GPR39: variants seen among roughly 807,000 people sequenced by gnomAD.
The protein encoded by GPR39 is zinc sensing receptor.
Under a neutral mutation model 18.4 loss-of-function variants are expected in GPR39, and 23 were observed. That is an observed-to-expected ratio of 1.25 (90% CI 0.90 to 1.77). The LOEUF (loss-of-function observed/expected upper bound fraction) is 1.77. GPR39 is among the 40% of genes most tolerant of loss of function. The probability of loss-of-function intolerance (pLI) is 0.00; values close to 1 mark genes in which losing one functional copy is unlikely to be tolerated. For missense variants in GPR39, 647 were observed against 602.4 expected, an observed-to-expected ratio of 1.07 and a Z score of -0.78; for synonymous variants, 280 against 257.9, an observed-to-expected ratio of 1.09 and a Z score of -0.82.
intron 1 of GPR39, among the ~76,000 whole-genome samples, chr2:132,565,224 TATTTAGCCAAGTC>T (rs1303617628): frequency 6.6e-6 from 1 of 151,954 alleles, no homozygotes; most frequent in Non-Finnish European, 1.5e-5. Flanking sequence ...GTGATTCCAG[TATTTAGCCAAGTC>T]ATTTGTCAAT....
chr2:132,584,713 C>T (rs988923345), intron 1 of GPR39, among the ~76,000 whole-genome samples: 7 of 152,092 alleles, frequency 4.6e-5, no homozygotes, highest in Admixed American at 2.0e-4. Flanking sequence ...AAAAAAACAC[C>T]GTTTCGAAAA....
At chr2:132,633,212 C>T (rs1039163465) in intron 1 of GPR39, among the ~76,000 whole-genome samples, 2 of 152,170 alleles carry the variant, frequency 1.3e-5, no homozygotes, top group Non-Finnish European at 2.9e-5. Flanking sequence ...GGGAAAGGCT[C>T]AGAGCTCTAG....
chr2:132,513,529 T>G (rs147326161), intron 1 of GPR39, among the ~76,000 whole-genome samples: 108 of 151,874 alleles, frequency 7.1e-4, no homozygotes, highest in African/African-American at 2.3e-3. Context: ...AGGGAAGGAA[T>G]TAATGGCGGC....
chr2:132,514,606 G>C (rs1679298449), intron 1 of GPR39, among the ~76,000 whole-genome samples: 1 of 152,144 alleles, frequency 6.6e-6, no homozygotes, highest in Non-Finnish European at 1.5e-5. Context: ...GGCTTTGCAG[G>C]CTCCTTGCAG....
At chr2:132,539,865 C>T (rs534413673) in intron 1 of GPR39, among the ~76,000 whole-genome samples, 18 of 152,248 alleles carry the variant, frequency 1.2e-4, no homozygotes, top group East Asian at 1.9e-4. Context: ...CTGTGACTAC[C>T]TTTAGAAAAT....
intron 1 of GPR39, among the ~76,000 whole-genome samples, chr2:132,445,934 G>A (rs1416544244): frequency 1.3e-5 from 2 of 152,116 alleles, no homozygotes; most frequent in Non-Finnish European, 2.9e-5. Flanking sequence ...ACTATCATGG[G>A]CATTTCGTCA....
intron 1 of GPR39, among the ~76,000 whole-genome samples, chr2:132,515,760 C>T (rs1469804785): frequency 2.6e-5 from 4 of 152,136 alleles, no homozygotes; most frequent in Admixed American, 2.6e-4. Flanking sequence ...AGGTATCCTG[C>T]TATATACCTA....
At position 132,504,460 on chromosome 2, in the gene GPR39, C is replaced by T. The variant is rs536400902; in HGVS notation, c.856+86562C>T. 2.6e-4 allele frequency among the ~76,000 whole-genome samples: 40 copies of T among 152,284 alleles called. No individual in the cohort carries two copies. In the Middle Eastern group the frequency reaches 0.01, roughly 39 times the overall value. On this transcript the variant is annotated intron_variant, in intron 1 of 1. Coordinates refer to ENST00000329321, the MANE Select transcript of GPR39 (RefSeq NM_001508.3). ...GAAGCTCTGGATAGTGACTGCCTGTCGTTGGGGTGCTCAAAATCTCTTTGT... is the reference window on the plus strand; with the variant it reads ...GAAGCTCTGGATAGTGACTGCCTGTTGTTGGGGTGCTCAAAATCTCTTTGT...
intron 1 of GPR39, among the ~76,000 whole-genome samples, chr2:132,610,603 C>G (rs1403697995): frequency 6.6e-6 from 1 of 151,716 alleles, no homozygotes; most frequent in East Asian, 1.9e-4. Flanking sequence ...GCGGTGAAAC[C>G]CTGTTTCTAC....
intron 1 of GPR39, among the ~76,000 whole-genome samples, chr2:132,448,079 TA>T (rs1680570748): frequency 6.6e-6 from 1 of 152,148 alleles, no homozygotes; most frequent in Non-Finnish European, 1.5e-5. Flanking sequence ...TTGGTGGAAA[TA>T]GCAAGGTAAG....
At chr2:132,440,477 G>T (rs1680416022) in intron 1 of GPR39, among the ~76,000 whole-genome samples, 1 of 152,140 alleles carries the variant, frequency 6.6e-6, no homozygotes, top group African/African-American at 2.4e-5. Flanking sequence ...TTAGGGGAAG[G>T]ATGTATAAGT....
At chr2:132,438,145 C>T (rs1680364949) in intron 1 of GPR39, among the ~76,000 whole-genome samples, 1 of 152,142 alleles carries the variant, frequency 6.6e-6, no homozygotes, top group Admixed American at 6.6e-5. Context: ...ATTTTCAGTT[C>T]CTGACTGGAA....
intron 1 of GPR39, among the ~76,000 whole-genome samples, chr2:132,589,421 G>C (rs775104283): frequency 3.3e-5 from 5 of 152,190 alleles, no homozygotes; most frequent in Non-Finnish European, 7.3e-5. Flanking sequence ...ATAACTTCTA[G>C]GCAGAGATGT....
intron 1 of GPR39, among the ~76,000 whole-genome samples, chr2:132,586,819 T>G (rs1680739559): frequency 6.6e-6 from 1 of 152,214 alleles, no homozygotes; most frequent in Non-Finnish European, 1.5e-5. Flanking sequence ...CTCGATGTCT[T>G]TCTTCATGTA....
At chr2:132,516,754 T>C (rs1679341912) in intron 1 of GPR39, among the ~76,000 whole-genome samples, 1 of 152,116 alleles carries the variant, frequency 6.6e-6, no homozygotes, top group Non-Finnish European at 1.5e-5. Context: ...TGGGCCAACA[T>C]GACAGAACCT....
intron 1 of GPR39, among the ~76,000 whole-genome samples, chr2:132,426,636 T>C (rs1680122490): frequency 6.6e-6 from 1 of 152,206 alleles, no homozygotes; most frequent in Non-Finnish European, 1.5e-5. Flanking sequence ...GCTAACAGAC[T>C]TTATCATTTT....
At chr2:132,633,647 A>T (rs1190332188) in intron 1 of GPR39, among the ~76,000 whole-genome samples, 1 of 152,074 alleles carries the variant, frequency 6.6e-6, no homozygotes, top group Non-Finnish European at 1.5e-5. Flanking sequence ...GACAGTGATG[A>T]TGGTGGTGGT....
At chr2:132,504,356 T>G (rs565447042) in intron 1 of GPR39, among the ~76,000 whole-genome samples, 62 of 152,296 alleles carry the variant, frequency 4.1e-4, no homozygotes, top group African/African-American at 1.5e-3. Context: ...TCAGTGGAAT[T>G]TTAGTTTCCA....
intron 1 of GPR39, among the ~76,000 whole-genome samples, chr2:132,634,480 A>G (rs931294314): frequency 6.6e-6 from 1 of 152,130 alleles, no homozygotes; most frequent in African/African-American, 2.4e-5. Context: ...AGGGGAGTCA[A>G]TACTGGCCAT....
Sources: gnomAD v4.1 joint callset for allele counts (sites outside exome capture counted in the v4.1 genomes callset) on GRCh38, gnomAD v4.1.1 for gene constraint, MANE v1.5 for transcripts, NCBI Gene and HGNC (gene_info 2026-07-23, HGNC 2026-07-21) for gene names.